The following DNAH9 variants were observed in gnomAD, a reference collection of about 807,000 sequenced individuals.
DNAH9 encodes the protein dynein axonemal heavy chain 9, also known as DNAH9 variant protein.
DNAH9 carries 345 observed loss-of-function variants against 471.6 expected under a neutral mutation model. That is an observed-to-expected ratio of 0.73 (90% confidence interval 0.67 to 0.80). The LOEUF (loss-of-function observed/expected upper bound fraction) is 0.80. DNAH9 is among the 30% of genes least tolerant of loss of function. The probability of loss-of-function intolerance (pLI) is 0.00; values close to 1 mark genes in which losing one functional copy is unlikely to be tolerated. For missense variants in DNAH9, 5,407 were observed against 5,609.2 expected (o/e 0.96, Z 1.15); for synonymous variants, 2,093 against 2,123.6 (o/e 0.99, Z 0.40).
At chr17:11,919,477 A>G (rs978374007) in intron 61 of DNAH9, among the ~76,000 whole-genome samples, 2 of 141,010 alleles carry the variant, frequency 1.4e-5, no homozygotes, top group African/African-American at 5.3e-5. Context: ...CCTGGGCGAC[A>G]GAGCGAGACT....
Position 11,675,309 on chromosome 17 carries a change from A to C in DNAH9, c.3354-4448A>C, listed in dbSNP as rs564338509. Among the ~76,000 whole-genome samples, 130 of 152,288 alleles carry C rather than the reference A, an allele frequency of 8.5e-4. 1 individual carries two copies. The highest frequency in any genetic ancestry group is 3.1e-3 in the African/African-American group (128 of 41,586). ...TCATATCACGCAATCCTGCTAAATT[A>C]ATTTAATAATTTTGATAATTCATCT... On this transcript the variant is annotated intron_variant, in intron 17 of 68. Transcript: ENST00000262442.
chr17:11,746,646 G>A (rs1451110413), intron 31 of DNAH9, among the ~76,000 whole-genome samples: 1 of 152,036 alleles, frequency 6.6e-6, no homozygotes, highest in African/African-American at 2.4e-5. Flanking sequence ...ATGAGATTTG[G>A]GTAGGGACAC....
chr17:11,825,188 G>A (rs963211635), intron 48 of DNAH9, among the ~76,000 whole-genome samples: 8 of 152,020 alleles, frequency 5.3e-5, no homozygotes, highest in African/African-American at 1.7e-4. Context: ...GCTATAGAAA[G>A]GTAACATCTT....
intron 22 of DNAH9, among the ~76,000 whole-genome samples, chr17:11,699,196 C>G (rs1465233534): frequency 6.6e-6 from 1 of 152,046 alleles, no homozygotes; most frequent in Non-Finnish European, 1.5e-5. Flanking sequence ...TTGCAGTGAG[C>G]CAAGATTGCG....
At chr17:11,670,843 A>G (rs1339703010) in intron 17 of DNAH9, among the ~76,000 whole-genome samples, 1 of 151,984 alleles carries the variant, frequency 6.6e-6, no homozygotes, top group Non-Finnish European at 1.5e-5. Context: ...AGCTGAGATT[A>G]CAGGCATGTG....
At chr17:11,741,351 C>T (rs2075430336) in intron 29 of DNAH9, among the ~76,000 whole-genome samples, 1 of 152,104 alleles carries the variant, frequency 6.6e-6, no homozygotes, top group Non-Finnish European at 1.5e-5. Context: ...TTGTATATGC[C>T]ATTCTGTGTC....
In DNAH9 at chr17:11,598,539, A is replaced by ACGCGGATGGGGAACCCGGCGCCGAC. The variant is rs761517350; in HGVS notation, c.44_68dup (p.Arg24GlyfsTer36). The ACGCGGATGGGGAACCCGGCGCCGAC allele has an allele frequency of 0.025, 35,503 of 1,404,952 alleles. 589 individuals are homozygous for ACGCGGATGGGGAACCCGGCGCCGAC. The highest frequency in any genetic ancestry group is 0.028 in the Non-Finnish European group (29,902 of 1,086,766). The allele number at this position is 1,404,952 out of a possible 1,614,324, so 87.0% of individuals were successfully genotyped here. ...GAGCGGGCCGCGCTCGCGGCGGAGA[A>ACGCGGATGGGGAACCCGGCGCCGAC]CGCGGATGGGGAACCCGGCGCCGAC... On this transcript the variant is annotated frameshift_variant, in exon 1 of 69. Transcript: ENST00000262442. LOFTEE classifies it high-confidence loss of function.
At chr17:11,810,725 A>G (rs1969863256) in intron 45 of DNAH9, among the ~76,000 whole-genome samples, 1 of 152,202 alleles carries the variant, frequency 6.6e-6, no homozygotes, top group South Asian at 2.1e-4. Flanking sequence ...TGTGTGTAGT[A>G]CTTGAGGAAG....
In DNAH9 at chr17:11,713,030, T is replaced by C. The variant is rs181568708; in HGVS notation, c.5553-6304T>C. 3.0e-3 allele frequency among the ~76,000 whole-genome samples: 464 copies of C among 152,266 alleles called. 5 individuals are homozygous for C. In the Middle Eastern group the frequency reaches 0.044, roughly 15 times the overall value. On this transcript the variant is annotated intron_variant, in intron 26 of 68. Coordinates refer to ENST00000262442, the MANE Select transcript of DNAH9 (RefSeq NM_001372.4). ...TATTAAGTCCAGTGCCCATTAGTTA[T>C]CTTTTCTGCTCCTCTCCTTCCCTCA...
At chr17:11,919,413 T>G (rs1974059743) in intron 61 of DNAH9, among the ~76,000 whole-genome samples, 1 of 147,562 alleles carries the variant, frequency 6.8e-6, no homozygotes, top group Admixed American at 7.0e-5. Context: ...GAGAATGGCA[T>G]GAACCCGGGA....
intron 35 of DNAH9, among the ~76,000 whole-genome samples, chr17:11,761,159 TAAAA>T (rs1302330373): frequency 1.3e-5 from 2 of 151,844 alleles, no homozygotes; most frequent in Non-Finnish European, 2.9e-5. Flanking sequence ...TTTTCTGTAA[TAAAA>T]AGGCATCTGA....
chr17:11,807,959 T>A (rs752092392), intron 44 of DNAH9, 65 bp downstream of exon 44: 25 of 1,514,374 alleles, frequency 1.7e-5, no homozygotes, highest in Non-Finnish European at 5.4e-6. Context: ...AGTTCCATCA[T>A]CCTTCACTCG....
Position 11,673,888 on chromosome 17 carries a change from G to A in DNAH9, c.3353+4094G>A, listed in dbSNP as rs144516044. On this transcript the variant is annotated intron_variant, in intron 17 of 68. Transcript: ENST00000262442. Reference sequence around the variant, plus strand: ...GATATATACACATGTGTATGCATATGGATGTATACATATGTATATGCATAC... The same window carrying A: ...GATATATACACATGTGTATGCATATAGATGTATACATATGTATATGCATAC... Among the ~76,000 whole-genome samples, 49 of 152,076 alleles carry A rather than the reference G, an allele frequency of 3.2e-4. 1 individual carries two copies. The highest frequency in any genetic ancestry group is 1.1e-3 in the African/African-American group (45 of 41,494).
intron 24 of DNAH9, among the ~76,000 whole-genome samples, chr17:11,703,710 A>C (rs2074644098): frequency 6.6e-6 from 1 of 152,232 alleles, no homozygotes; most frequent in South Asian, 2.1e-4. Context: ...TTAAGGTTTT[A>C]AAATATCTTT....
intron 17 of DNAH9, among the ~76,000 whole-genome samples, chr17:11,670,499 G>A (rs888795247): frequency 3.9e-5 from 6 of 152,156 alleles, no homozygotes; most frequent in Admixed American, 2.0e-4. Context: ...AGTGCTGGAT[G>A]AGACTGCAGG....
intron 45 of DNAH9, among the ~76,000 whole-genome samples, chr17:11,814,954 T>C (rs573431156): frequency 1.2e-3 from 129 of 103,398 alleles, no homozygotes; most frequent in African/African-American, 4.0e-3. Context: ...CCAGTTTCCC[T>C]AGAAAGAAAA....
At position 11,937,370 on chromosome 17, in the gene DNAH9, C is replaced by G; in HGVS notation, c.12508C>G (p.Pro4170Ala). ...TTTTCAGTACATCGATGCTGAGCTG[C>G]CCCCAGAATCCCCCTACCTCTATGG... ...GYHQYIDAEL[P>A]PESPYLYGLH... The change falls in exon 66 of 69, where the codon CCC becomes GCC. Residue 4170 changes from proline (P) to alanine (A), a missense_variant. Physicochemically the swap from Pro to Ala is conservative, Grantham distance 27 (BLOSUM62 -1). Around this residue, in one of 3 missense-constraint regions of DNAH9, gnomAD observed 4,636 missense variants for 4,900.3 expected, o/e 0.95. Transcript: ENST00000262442. This position sits in a 1 kb window ranked among gnomAD's most constrained non-coding sequence, Gnocchi z 4.1. 1 of 1,609,724 alleles carries G rather than the reference C, an allele frequency of 6.2e-7. No individual in the cohort carries two copies. Among genetic ancestry groups the G allele is most frequent in the Non-Finnish European group, 8.5e-7 (1 of 1,178,226 alleles).
intron 6 of DNAH9, 27 bp downstream of exon 6, chr17:11,619,808 C>T: frequency 7.2e-7 from 1 of 1,388,454 alleles, no homozygotes; most frequent in South Asian, 1.2e-5. Flanking sequence ...CCTCAGGCTG[C>T]CAGCCCCAGA....
At chr17:11,684,614 G>A (rs1361700703) in intron 19 of DNAH9, among the ~76,000 whole-genome samples, 1 of 152,112 alleles carries the variant, frequency 6.6e-6, no homozygotes, top group Non-Finnish European at 1.5e-5. Flanking sequence ...CCCACACCAA[G>A]ACCAAGGTAA....
Sources: allele counts gnomAD v4.1 joint callset (sites outside exome capture counted in the v4.1 genomes callset), GRCh38; gene constraint gnomAD v4.1.1; regional missense constraint gnomAD v4.1.1; non-coding constraint Gnocchi (gnomAD v3.1); transcripts MANE v1.5; gene names NCBI Gene and HGNC (gene_info 2026-07-23, HGNC 2026-07-21).